POLR2F: variants seen among roughly 807,000 people sequenced by gnomAD.
The protein encoded by POLR2F is RNA polymerase II, I and III subunit F, also known as DNA-directed RNA polymerases I, II, and III subunit RPABC2.
A neutral mutation model predicts 22.7 loss-of-function variants in POLR2F; 12 were observed. The ratio of observed to expected loss-of-function variants is 0.53; its 90% CI spans 0.34 to 0.86. POLR2F has a LOEUF of 0.86. Among genes scored for constraint, POLR2F ranks in the 40% least tolerant of loss-of-function variants. The pLI, the probability that POLR2F is intolerant of heterozygous loss-of-function variation, is 0.02. For missense variants in POLR2F, 126 were observed against 171.5 expected (o/e 0.73, Z 1.48); for synonymous variants, 57 against 66.0 (o/e 0.86, Z 0.66).
chr22:37,955,411 T>C (rs1267322811), intron 1 of POLR2F, among the ~76,000 whole-genome samples: 1 of 151,678 alleles, frequency 6.6e-6, no homozygotes. Context: ...TGGTGGCGTG[T>C]GCCTATAATC....
rs952218845 is a variant in POLR2F at position 37,969,209 on chromosome 22, C to T, written c.*1494C>T. On this transcript the variant is annotated 3_prime_UTR_variant, in exon 5 of 5. Transcript: ENST00000442738. The stretch of plus-strand genomic sequence containing the variant: ...AAATGGGACAGAAGGGGTGTTTTTC[C>T]TCCTGTCTTCCTCTTCCCATTCTCC... 1.0e-6 allele frequency: 1 copy of T among 985,332 alleles called. No homozygotes were observed. The allele number at this position is 985,332 out of a possible 1,614,324, so 61.0% of individuals were successfully genotyped here.
intron 1 of POLR2F, among the ~76,000 whole-genome samples, chr22:37,995,660 G>A (rs1443828263): frequency 6.6e-6 from 1 of 152,092 alleles, no homozygotes; most frequent in Non-Finnish European, 1.5e-5. Flanking sequence ...AATGAGTGGT[G>A]AGGACAGAAT....
rs1448040241 is a variant in POLR2F, at chr22:37,980,689, A to C, written c.293+13519A>C. ...CGCCTCCAGCTCTAACTCCAAACCC[A>C]GTCCTCATCTGCACCTTCCTGTCAG... On this transcript the variant is annotated intron_variant, in intron 4 of 4. Coordinates refer to the POLR2F transcript ENST00000405557. The surrounding 1 kb of genome is among the most constrained non-coding windows in gnomAD (Gnocchi z 4.1). Among the ~76,000 whole-genome samples the C allele has an allele frequency of 1.3e-5, 2 of 152,126 alleles. No individual in the cohort carries two copies. The highest frequency in any genetic ancestry group is 2.4e-5 in the African/African-American group (1 of 41,424).
At chr22:38,026,597 C>T (rs960476338) in exon 3 of POLR2F, 9 of 298,746 alleles carry the variant, frequency 3.0e-5, no homozygotes, top group African/African-American at 4.4e-5. Flanking sequence ...CCTCCCCCGG[C>T]TCCCTGGAAC....
At position 37,987,066 on chromosome 22, in the gene POLR2F, C is replaced by G. The variant is rs1193045166; in HGVS notation, c.120+754C>G. On this transcript the variant is annotated intron_variant, in intron 1 of 2. Coordinates refer to the POLR2F transcript ENST00000333418. ...CTTGTGACCTCCTTACCCCACCCCCCATCACCTCTCTGTCCTGAAGTGAGG... is the reference window on the plus strand; with the variant it reads ...CTTGTGACCTCCTTACCCCACCCCCGATCACCTCTCTGTCCTGAAGTGAGG... 2.0e-5 allele frequency: 9 copies of G among 456,588 alleles called. No individual in the cohort carries two copies. The East Asian group carries it at 6.2e-4, about 32-fold the overall frequency. The allele number at this position is 456,588 out of a possible 1,614,324, so 28.3% of individuals were successfully genotyped here.
chr22:37,962,104 G>A (rs151334753), intron 3 of POLR2F, among the ~76,000 whole-genome samples: 7 of 152,118 alleles, frequency 4.6e-5, no homozygotes, highest in East Asian at 1.9e-4. Context: ...GGTGGCGTGC[G>A]CCTGTAGTCC....
Position 37,993,967 on chromosome 22 carries a change from C to T in POLR2F, c.120+7655C>T, listed in dbSNP as rs12157514. Among the ~76,000 whole-genome samples, 826 of 152,238 alleles carry T rather than the reference C, an allele frequency of 5.4e-3. 8 individuals carry two copies. The highest frequency in any genetic ancestry group is 0.018 in the African/African-American group (750 of 41,530). On this transcript the variant is annotated intron_variant, in intron 1 of 2. Transcript: ENST00000333418. ...TCGCGCCACTGCACTCCAGCCTGGG[C>T]GACAGAGCAAGACTCCGTCTCAAAA...
intron 1 of POLR2F, among the ~76,000 whole-genome samples, chr22:38,018,633 G>T (rs547316306): frequency 1.3e-5 from 2 of 152,232 alleles, no homozygotes; most frequent in East Asian, 3.9e-4. Context: ...CTGTGAGGTG[G>T]CCCAGGCTGG....
chr22:38,021,774 G>T (rs980092884), intron 1 of POLR2F, among the ~76,000 whole-genome samples: 2 of 151,750 alleles, frequency 1.3e-5, no homozygotes, highest in African/African-American at 4.8e-5. Flanking sequence ...TTGATTATGC[G>T]TCCTTCTCAG....
At chr22:38,021,929 G>A (rs1038672055) in intron 1 of POLR2F, among the ~76,000 whole-genome samples, 1 of 149,578 alleles carries the variant, frequency 6.7e-6, no homozygotes, top group Admixed American at 6.7e-5. Context: ...TCAGGCATTC[G>A]AGATCAGCCT....
intron 1 of POLR2F, among the ~76,000 whole-genome samples, chr22:37,990,547 A>G (rs148002815): frequency 4.6e-5 from 7 of 152,366 alleles, no homozygotes; most frequent in Admixed American, 1.3e-4. Flanking sequence ...TGTGCAGGGC[A>G]CTGGGCCAGG....
chr22:38,023,531 G>A (rs531851477), intron 1 of POLR2F, among the ~76,000 whole-genome samples: 2 of 151,964 alleles, frequency 1.3e-5, no homozygotes, highest in South Asian at 2.1e-4. Context: ...GGCACTAGGT[G>A]CATTCATATT....
rs536577349 is a variant in POLR2F at position 38,035,164 on chromosome 22, G to A, written c.453-5904G>A. 6.6e-5 allele frequency among the ~76,000 whole-genome samples: 10 copies of A among 151,998 alleles called. No homozygotes were observed. The South Asian group carries it at 1.0e-3, about 16-fold the overall frequency. ...CCCCCTGTGTGTGTCTCTCTCTCTC[G>A]GTCTCACACCCTTCTGTGGCATCGC... is the stretch of plus-strand genomic sequence containing the variant. On this transcript the variant is annotated intron_variant, in intron 5 of 5. Coordinates refer to the POLR2F transcript ENST00000407936.
intron 4 of POLR2F, chr22:37,977,898 G>A (rs1269737699): frequency 6.2e-7 from 1 of 1,612,562 alleles, no homozygotes; most frequent in South Asian, 1.1e-5. Flanking sequence ...CATCTGACAT[G>A]GGGGAGCCCT....
chr22:38,033,849 C>T lies in POLR2F; in HGVS notation c.453-7219C>T, dbSNP rs1320389702. Among the ~76,000 whole-genome samples, 5 of 152,258 alleles carry T rather than the reference C, an allele frequency of 3.3e-5. No homozygotes were observed. The East Asian group carries it at 5.8e-4, about 18-fold the overall frequency. ...GGCCTCGAGGCTTCTGTCCTGTGCT[C>T]GCTGGGAGAGGGTGTGACGTGGACG... On this transcript the variant is annotated intron_variant, in intron 5 of 5. Transcript: ENST00000407936.
chr22:37,981,320 G>C (rs1384567315), upstream of POLR2F, among the ~76,000 whole-genome samples: 2 of 152,196 alleles, frequency 1.3e-5, no homozygotes, highest in Admixed American at 1.3e-4. Flanking sequence ...CCCCTCCAGG[G>C]TCCAGGGAGC....
chr22:38,008,404 G>T (rs1601904386), intron 1 of POLR2F, among the ~76,000 whole-genome samples: 1 of 151,880 alleles, frequency 6.6e-6, no homozygotes, highest in Non-Finnish European at 1.5e-5. Context: ...AATTAGCTGG[G>T]CGTGGTGGTG....
chr22:38,023,161 G>T (rs530161040), intron 1 of POLR2F, among the ~76,000 whole-genome samples: 67 of 152,358 alleles, frequency 4.4e-4, no homozygotes, highest in African/African-American at 1.5e-3. Flanking sequence ...ACTGGGAGGA[G>T]GGTGCCTCCA....
intron 5 of POLR2F, chr22:38,040,728 G>T (rs2085164283): frequency 7.5e-6 from 3 of 398,056 alleles, no homozygotes; most frequent in East Asian, 4.6e-5. Context: ...TCCTGTGGGG[G>T]TCCTTCAGCT....
Sources: gnomAD v4.1 joint callset for allele counts (sites outside exome capture counted in the v4.1 genomes callset) on GRCh38, gnomAD v4.1.1 for gene constraint, Gnocchi (gnomAD v3.1) non-coding constraint, MANE v1.5 for transcripts, NCBI Gene and HGNC (gene_info 2026-07-23, HGNC 2026-07-21) for gene names.